The following GSPT1 variants were observed in gnomAD, a reference collection of about 807,000 sequenced individuals.
The protein encoded by GSPT1 is G1 to S phase transition 1, also known as eukaryotic peptide chain release factor GTP-binding subunit ERF3A.
A neutral mutation model predicts 72.5 loss-of-function variants in GSPT1; 20 were observed. The ratio of observed to expected loss-of-function variants is 0.28; its 90% CI spans 0.19 to 0.40. The LOEUF is 0.40. GSPT1 is among the 10% of genes least tolerant of loss of function. GSPT1 has a pLI of 1.00. For missense variants in GSPT1, 580 were observed against 811.9 expected, an observed-to-expected ratio of 0.71 and a Z score of 3.47; for synonymous variants, 334 against 293.5, an observed-to-expected ratio of 1.14 and a Z score of -1.41.
At chr16:11,904,875 A>G (rs2054468988) in intron 1 of GSPT1, among the ~76,000 whole-genome samples, 1 of 152,224 alleles carries the variant, frequency 6.6e-6, no homozygotes, top group Non-Finnish European at 1.5e-5. Flanking sequence ...ACTTGAGGCC[A>G]GGAGTTTGAG....
rs992839695 is a variant in GSPT1, at chr16:11,887,920, T to G, written c.777-170A>C. ...TGGCTCACATCTGTAATCTGAGCAC[T>G]TTGGGAGGCCAAGGCGGCGGATCAC... On this transcript the variant is annotated intron_variant, in intron 6 of 14. Coordinates refer to ENST00000434724, the MANE Select transcript of GSPT1 (RefSeq NM_002094.4). 3.3e-5 allele frequency among the ~76,000 whole-genome samples: 5 copies of G among 152,322 alleles called. No individual in the cohort carries two copies. In the South Asian group the frequency reaches 6.2e-4, roughly 19 times the overall value.
chr16:11,898,164 G>A, intron 1 of GSPT1, 129 bp from the exon 2 acceptor site: 1 of 635,284 alleles, frequency 1.6e-6, no homozygotes, highest in Non-Finnish European at 2.8e-6. Context: ...CCAGATCAAT[G>A]GCAGCTAACT....
rs1447120592 is a variant in GSPT1 at position 11,868,169 on chromosome 16, C to A, written c.*4950G>T. The A allele has an allele frequency of 6.6e-6, 1 of 152,096 alleles. No individual in the cohort carries two copies. Among genetic ancestry groups the A allele is most frequent in the Non-Finnish European group, 1.5e-5 (1 of 68,010 alleles). 9.4% of individuals were successfully genotyped at this position (152,096 alleles called of 1,614,324 possible). A position where few individuals can be genotyped will look rare whatever the true frequency, so the allele number is the denominator to read the frequency against. On this transcript the variant is annotated 3_prime_UTR_variant, in exon 15 of 15. Coordinates refer to ENST00000434724, the MANE Select transcript of GSPT1 (RefSeq NM_002094.4). Reference sequence around the variant, plus strand: ...ACAACTTTTATTGTTATTACAAAAGCAAATTTAATTTGTCATTTGAATAAT... The same window carrying A: ...ACAACTTTTATTGTTATTACAAAAGAAAATTTAATTTGTCATTTGAATAAT...
At chr16:11,873,999 G>A (rs1488554033) in intron 14 of GSPT1, among the ~76,000 whole-genome samples, 2 of 152,160 alleles carry the variant, frequency 1.3e-5, no homozygotes, top group Admixed American at 6.5e-5. Flanking sequence ...ATGTTACATG[G>A]TTGAACCTCA....
chr16:11,899,495 G>C (rs1039097657), intron 1 of GSPT1, among the ~76,000 whole-genome samples: 1 of 152,052 alleles, frequency 6.6e-6, no homozygotes, highest in African/African-American at 2.4e-5. Context: ...AACTAGGAGG[G>C]GATGGGGGCT....
intron 9 of GSPT1, 118 bp downstream of exon 9, chr16:11,886,353 T>G: frequency 1.6e-6 from 1 of 624,006 alleles, no homozygotes; most frequent in Non-Finnish European, 2.7e-6. Context: ...CTTAAATTAC[T>G]TATAAAGATA....
In GSPT1 at chr16:11,882,968, G is replaced by GA. The variant is rs745861032; in HGVS notation, c.1428+46dup. 107 of 1,265,274 alleles carry GA rather than the reference G, an allele frequency of 8.5e-5. No homozygotes were observed. In the African/African-American group the frequency reaches 9.9e-4, roughly 12 times the overall value. 78.4% of individuals were successfully genotyped at this position (1,265,274 alleles called of 1,614,324 possible). ...GAAGACCCTATCTCTTAAAGAAAAA[G>GA]AAAAAAAATCAATAAATAGATAGGA... is the stretch of plus-strand genomic sequence containing the variant. On this transcript the variant is annotated intron_variant, in intron 11 of 14. Transcript: ENST00000434724.
chr16:11,902,721 G>A (rs185596724), intron 1 of GSPT1, among the ~76,000 whole-genome samples: 63 of 134,154 alleles, frequency 4.7e-4, no homozygotes, highest in Admixed American at 2.7e-3. Flanking sequence ...CGAGTAGCTG[G>A]GACTATAGGC....
intron 5 of GSPT1, among the ~76,000 whole-genome samples, chr16:11,892,633 C>G (rs1387587539): frequency 2.0e-5 from 3 of 150,822 alleles, no homozygotes; most frequent in African/African-American, 7.3e-5. Flanking sequence ...TCAAGACCAG[C>G]CTGACCAACA....
At chr16:11,895,121 C>T in intron 4 of GSPT1, 134 bp from the exon 5 acceptor site, 2 of 615,036 alleles carry the variant, frequency 3.3e-6, no homozygotes, top group Non-Finnish European at 3.0e-6. Flanking sequence ...TAGTTCATTA[C>T]CCTTCTCCTT....
intron 13 of GSPT1, 66 bp from the exon 14 acceptor site, chr16:11,875,995 G>A: frequency 6.6e-7 from 1 of 1,511,866 alleles, no homozygotes; most frequent in Non-Finnish European, 9.2e-7. Flanking sequence ...AAGAACAGGT[G>A]TAGAAATAAA....
At chr16:11,888,447 G>C (rs1409707686) in intron 6 of GSPT1, among the ~76,000 whole-genome samples, 1 of 147,264 alleles carries the variant, frequency 6.8e-6, no homozygotes, top group Non-Finnish European at 1.5e-5. Flanking sequence ...GGGCAACAGA[G>C]GGAGACTCTG....
chr16:11,905,843 A>G (rs920650360), intron 1 of GSPT1, among the ~76,000 whole-genome samples: 13 of 152,064 alleles, frequency 8.5e-5, no homozygotes, highest in African/African-American at 3.1e-4. Context: ...TGTCTCAAAA[A>G]TAAGTAAGTA....
At chr16:11,878,566 C>T (rs2054077036) in intron 11 of GSPT1, among the ~76,000 whole-genome samples, 1 of 149,152 alleles carries the variant, frequency 6.7e-6, no homozygotes. Flanking sequence ...CGCACTGTAG[C>T]CTGAGTGACA....
At chr16:11,898,710 A>G (rs1200588414) in intron 1 of GSPT1, among the ~76,000 whole-genome samples, 1 of 152,012 alleles carries the variant, frequency 6.6e-6, no homozygotes, top group Non-Finnish European at 1.5e-5. Context: ...TCGGCCTCCC[A>G]AAGTGCTGGG....
rs572860844 is a variant in GSPT1 at position 11,915,283 on chromosome 16, C to A, written c.352+86G>T. 2,630 of 1,246,738 alleles carry A rather than the reference C, an allele frequency of 2.1e-3. 45 individuals carry two copies. The African/African-American group carries it at 0.038, about 18-fold the overall frequency. The allele number at this position is 1,246,738 out of a possible 1,614,324, so 77.2% of individuals were successfully genotyped here. A position where few individuals can be genotyped will look rare whatever the true frequency, so the allele number is the denominator to read the frequency against. On this transcript the variant is annotated intron_variant, in intron 1 of 14. Transcript: ENST00000434724. ...AGCGCCCCACGTGCCGACCGGGCCC[C>A]AGGGCCGCGCGCCCCCGGACCGCAC...
At chr16:11,875,705 T>C in intron 14 of GSPT1, 56 bp downstream of exon 14, 2 of 1,302,050 alleles carry the variant, frequency 1.5e-6, no homozygotes, top group Non-Finnish European at 1.1e-6. Context: ...ATGATGAAGA[T>C]GACCAAAGCT....
chr16:11,897,457 C>T (rs1182011697), intron 3 of GSPT1, among the ~76,000 whole-genome samples: 1 of 152,036 alleles, frequency 6.6e-6, no homozygotes, highest in Non-Finnish European at 1.5e-5. Context: ...TGGTGGTGTG[C>T]GCCTGTAATC....
At position 11,915,912 on chromosome 16, in the gene GSPT1, G is replaced by C. The variant is rs764903132; in HGVS notation, c.-192C>G. 8 of 810,372 alleles carry C rather than the reference G, an allele frequency of 9.9e-6. No homozygotes were observed. Among genetic ancestry groups the C allele is most frequent in the South Asian group, 8.0e-5 (6 of 74,696 alleles). 50.2% of individuals were successfully genotyped at this position (810,372 alleles called of 1,614,324 possible). A position where few individuals can be genotyped will look rare whatever the true frequency, so the allele number is the denominator to read the frequency against. On this transcript the variant is annotated 5_prime_UTR_variant, in exon 1 of 15. Transcript: ENST00000434724. ...ACTCCACACTCGCGACGACGACAGA[G>C]GCGGCGGCGGCGGCAGCTCAACCCT...
Sources: gnomAD v4.1 joint callset for allele counts (sites outside exome capture counted in the v4.1 genomes callset) on GRCh38, gnomAD v4.1.1 for gene constraint, MANE v1.5 for transcripts, NCBI Gene and HGNC (gene_info 2026-07-23, HGNC 2026-07-21) for gene names.